Variants in ABHD4 observed in about 807,000 individuals in gnomAD.
ABHD4 encodes abhydrolase domain containing 4, N-acyl phospholipase B.
ABHD4 carries 35 observed loss-of-function variants against 42.3 expected under a neutral mutation model. That is an observed-to-expected ratio of 0.83 (90% CI 0.63 to 1.10). The LOEUF is 1.10. Among genes scored for constraint, ABHD4 ranks in the 50% least tolerant of loss-of-function variants. The pLI, the probability that ABHD4 is intolerant of heterozygous loss-of-function variation, is 0.00. For missense variants in ABHD4, 389 were observed against 454.8 expected (o/e 0.86, Z 1.32); for synonymous variants, 169 against 170.6 (o/e 0.99, Z 0.07).
intron 5 of ABHD4, among the ~76,000 whole-genome samples, chr14:22,607,167 G>A (rs1035531869): frequency 6.6e-6 from 1 of 151,834 alleles, no homozygotes; most frequent in Admixed American, 6.6e-5. Flanking sequence ...AAATTTTTTT[G>A]CATCTTTGGG....
intron 3 of ABHD4, 31 bp from the exon 4 acceptor site, chr14:22,603,894 G>T (rs1218991677): frequency 6.2e-7 from 1 of 1,610,636 alleles, no homozygotes; most frequent in Non-Finnish European, 8.5e-7. Flanking sequence ...AGAATATAAT[G>T]TGTCTTCTCC....
chr14:22,608,577 G>A (rs1049915333), intron 5 of ABHD4, among the ~76,000 whole-genome samples: 61 of 152,244 alleles, frequency 4.0e-4, no homozygotes, highest in African/African-American at 1.4e-3. Flanking sequence ...ACTTTTAAGC[G>A]TTCACCTCAG....
intron 1 of ABHD4, chr14:22,598,710 C>T (rs961083797): frequency 7.7e-6 from 3 of 388,068 alleles, no homozygotes; most frequent in South Asian, 2.1e-5. Flanking sequence ...ACTTGCCCCC[C>T]AGAACGGCAG....
intron 1 of ABHD4, chr14:22,599,970 T>G: frequency 3.7e-6 from 1 of 272,904 alleles, no homozygotes; most frequent in Non-Finnish European, 7.5e-6. Flanking sequence ...CCACTGAGAG[T>G]TGCTACTTGC....
intron 1 of ABHD4, 135 bp from the exon 2 acceptor site, chr14:22,601,532 G>A: frequency 1.4e-6 from 1 of 737,428 alleles, no homozygotes; most frequent in Non-Finnish European, 2.3e-6. Context: ...ACTGCTGCCT[G>A]CCATGGGGGG....
chr14:22,601,572 C>A, intron 1 of ABHD4, 95 bp from the exon 2 acceptor site: 2 of 1,189,900 alleles, frequency 1.7e-6, no homozygotes, highest in South Asian at 1.3e-5. Context: ...AAACACCCTG[C>A]TTCCTGAGAA....
At chr14:22,604,670 T>G (rs2037328886) in intron 4 of ABHD4, among the ~76,000 whole-genome samples, 1 of 152,064 alleles carries the variant, frequency 6.6e-6, no homozygotes, top group Non-Finnish European at 1.5e-5. Flanking sequence ...TGTGCAGTGG[T>G]GTGATCTCAG....
intron 4 of ABHD4, chr14:22,605,975 T>C (rs17120310): frequency 0.057 from 32,308 of 567,502 alleles, 1,512 homozygotes; most frequent in African/African-American, 0.18. Context: ...AATACAGGCC[T>C]GAAAATGAGA....
intron 5 of ABHD4, among the ~76,000 whole-genome samples, chr14:22,607,001 T>C (rs925674753): frequency 6.6e-6 from 1 of 152,300 alleles, no homozygotes; most frequent in East Asian, 1.9e-4. Context: ...ATAGCACATG[T>C]ACCATTTCTT....
rs1189622415 is a variant in ABHD4, at chr14:22,610,752, C to A, written c.940-107C>A. On this transcript the variant is annotated intron_variant, in intron 6 of 6. Coordinates refer to ENST00000428304, the MANE Select transcript of ABHD4 (RefSeq NM_022060.3). ...GGTGGAGCATTATCTCTGATAAGAG[C>A]TCGTGGGTGGCAGGCAAGCAAGTCT... The A allele has an allele frequency of 3.6e-6, 3 of 832,516 alleles. No homozygotes were observed. In the Admixed American group the frequency reaches 5.5e-5, roughly 15 times the overall value. 51.6% of individuals were successfully genotyped at this position (832,516 alleles called of 1,614,324 possible).
chr14:22,608,115 A>C (rs528413821), intron 5 of ABHD4, among the ~76,000 whole-genome samples: 1 of 152,334 alleles, frequency 6.6e-6, no homozygotes, highest in South Asian at 2.1e-4. Flanking sequence ...TTCTGGTTAC[A>C]TGACTTGCTA....
chr14:22,608,857 A>G (rs990158751), intron 5 of ABHD4, among the ~76,000 whole-genome samples: 1 of 152,090 alleles, frequency 6.6e-6, no homozygotes, highest in African/African-American at 2.4e-5. Flanking sequence ...ATGCACCACC[A>G]TGCCTGGCTA....
chr14:22,602,717 C>T (rs549219348), intron 2 of ABHD4, among the ~76,000 whole-genome samples: 22 of 152,316 alleles, frequency 1.4e-4, no homozygotes, highest in South Asian at 1.2e-3. Context: ...AGGGATAAGA[C>T]GGTCCCGCTT....
chr14:22,610,066 T>C (rs532125399), intron 6 of ABHD4, among the ~76,000 whole-genome samples, 156 bp downstream of exon 6: 125 of 151,548 alleles, frequency 8.2e-4, no homozygotes, highest in African/African-American at 3.0e-3. Context: ...GGAATATCTT[T>C]TTTTTTTCGT....
intron 1 of ABHD4, among the ~76,000 whole-genome samples, chr14:22,600,754 C>G (rs926156851): frequency 3.3e-5 from 5 of 151,958 alleles, no homozygotes; most frequent in African/African-American, 1.2e-4. Flanking sequence ...TATACAGATG[C>G]TCAAAGACAG....
chr14:22,609,115 A>C (rs908941208), intron 5 of ABHD4, among the ~76,000 whole-genome samples: 7 of 151,718 alleles, frequency 4.6e-5, no homozygotes, highest in Non-Finnish European at 8.8e-5. Context: ...CTCCTACCTC[A>C]GCCTCCTGAG....
intron 4 of ABHD4, among the ~76,000 whole-genome samples, chr14:22,606,125 T>C (rs1234348063): frequency 6.6e-6 from 1 of 152,172 alleles, no homozygotes; most frequent in Non-Finnish European, 1.5e-5. Flanking sequence ...GGAGGGCTTG[T>C]GATTCTTGCA....
At chr14:22,606,385 C>A in intron 4 of ABHD4, 37 bp from the exon 5 acceptor site, 1 of 1,479,994 alleles carries the variant, frequency 6.8e-7, no homozygotes, top group Non-Finnish European at 9.4e-7. Context: ...CCCCACCTCC[C>A]AAATTGGCCT....
intron 5 of ABHD4, among the ~76,000 whole-genome samples, chr14:22,607,703 G>A (rs939886028): frequency 2.0e-5 from 3 of 152,172 alleles, no homozygotes; most frequent in Non-Finnish European, 4.4e-5. Flanking sequence ...ACCCACCTGA[G>A]GCCCCACAGG....
Sources: gnomAD v4.1 joint callset for allele counts (sites outside exome capture counted in the v4.1 genomes callset) on GRCh38, gnomAD v4.1.1 for gene constraint, MANE v1.5 for transcripts, NCBI Gene and HGNC (gene_info 2026-07-23, HGNC 2026-07-21) for gene names.